SH3PXD2A: variants seen among roughly 807,000 people sequenced by gnomAD.
SH3PXD2A encodes SH3 and PX domains 2A.
In SH3PXD2A, 32 loss-of-function variants were observed where a neutral mutation model predicts 115.2. The ratio of observed to expected loss-of-function variants is 0.28; its 90% confidence interval spans 0.21 to 0.37. SH3PXD2A has a LOEUF of 0.37. Ranked by LOEUF, SH3PXD2A falls within the 10% of genes least tolerant of loss-of-function variation. The pLI, the probability that SH3PXD2A is intolerant of heterozygous loss-of-function variation, is 1.00. For missense variants in SH3PXD2A, 1,328 were observed against 1,498.7 expected, an observed-to-expected ratio of 0.89 and a Z score of 1.88; for synonymous variants, 610 against 629.1, an observed-to-expected ratio of 0.97 and a Z score of 0.45.
chr10:103,734,476 C>T (rs930559310), intron 4 of SH3PXD2A, among the ~76,000 whole-genome samples: 2 of 152,164 alleles, frequency 1.3e-5, no homozygotes, highest in East Asian at 1.9e-4. Context: ...TGGCTGGGTG[C>T]GGTGGCTCAC....
intron 1 of SH3PXD2A, among the ~76,000 whole-genome samples, chr10:103,819,547 T>G (rs1457746368): frequency 1.3e-5 from 2 of 151,124 alleles, no homozygotes; most frequent in African/African-American, 4.9e-5. Context: ...GCTCTGAGGC[T>G]CGAGGGAATG....
At chr10:103,707,259 C>T (rs866333122) in intron 5 of SH3PXD2A, among the ~76,000 whole-genome samples, 19 of 151,120 alleles carry the variant, frequency 1.3e-4, no homozygotes, top group Admixed American at 6.6e-4. Context: ...TGCAGAGGTG[C>T]GATCTTGGCT....
chr10:103,767,221 T>C, intron 2 of SH3PXD2A, 52 bp from the exon 3 acceptor site: 1 of 1,381,448 alleles, frequency 7.2e-7, no homozygotes, highest in South Asian at 1.2e-5. Context: ...AGAACATTCC[T>C]CATCATCCCT....
chr10:103,802,820 G>T (rs938969950), intron 1 of SH3PXD2A, among the ~76,000 whole-genome samples: 1 of 152,154 alleles, frequency 6.6e-6, no homozygotes, highest in African/African-American at 2.4e-5. Context: ...CCGGGGGCAG[G>T]CTTCATAAAA....
At chr10:103,650,756 C>T (rs936947152) in intron 8 of SH3PXD2A, among the ~76,000 whole-genome samples, 3 of 152,388 alleles carry the variant, frequency 2.0e-5, no homozygotes, top group Non-Finnish European at 4.4e-5. Flanking sequence ...AGTCCTAGCT[C>T]CAGTCCTCAG....
At chr10:103,683,343 T>A (rs1168421250) in intron 6 of SH3PXD2A, among the ~76,000 whole-genome samples, 3 of 151,774 alleles carry the variant, frequency 2.0e-5, no homozygotes, top group Non-Finnish European at 4.4e-5. Flanking sequence ...AGAAACCCCA[T>A]CTCTACTAAA....
chr10:103,841,010 G>A (rs573201072), intron 1 of SH3PXD2A, among the ~76,000 whole-genome samples: 1 of 152,292 alleles, frequency 6.6e-6, no homozygotes, highest in Admixed American at 6.5e-5. Flanking sequence ...AGTTTTGGTG[G>A]GCTGACTTGA....
chr10:103,695,280 C>G (rs1031276560), intron 5 of SH3PXD2A, among the ~76,000 whole-genome samples: 6 of 152,140 alleles, frequency 3.9e-5, no homozygotes, highest in African/African-American at 1.4e-4. Context: ...TGAGGCTACC[C>G]AGGCTGTTCC....
intron 8 of SH3PXD2A, among the ~76,000 whole-genome samples, chr10:103,649,784 C>T (rs966036228): frequency 1.3e-5 from 2 of 152,234 alleles, no homozygotes; most frequent in African/African-American, 4.8e-5. Context: ...AAGAGAAAGA[C>T]ATCATGTCCA....
chr10:103,830,771 A>G (rs1207544161), intron 1 of SH3PXD2A, among the ~76,000 whole-genome samples: 1 of 152,228 alleles, frequency 6.6e-6, no homozygotes, highest in African/African-American at 2.4e-5. Context: ...TAGATTACCA[A>G]CCACACACAC....
At chr10:103,764,139 C>T (rs1378753022) in intron 3 of SH3PXD2A, among the ~76,000 whole-genome samples, 10 of 152,316 alleles carry the variant, frequency 6.6e-5, no homozygotes, top group African/African-American at 4.8e-5. Context: ...TGCATCAGGG[C>T]GGTGGGGGTG....
chr10:103,752,588 A>C (rs1166695033), intron 3 of SH3PXD2A, among the ~76,000 whole-genome samples: 1 of 152,234 alleles, frequency 6.6e-6, no homozygotes, highest in Non-Finnish European at 1.5e-5. Context: ...AGCAGACCCC[A>C]GGCCCAGAGT....
At chr10:103,639,359 C>A (rs1478056943) in intron 8 of SH3PXD2A, among the ~76,000 whole-genome samples, 1 of 152,106 alleles carries the variant, frequency 6.6e-6, no homozygotes, top group Non-Finnish European at 1.5e-5. Flanking sequence ...TGCCTGTAAT[C>A]CTGGCACTTT....
intron 7 of SH3PXD2A, chr10:103,661,874 G>A (rs1019344765): frequency 1.0e-6 from 1 of 985,024 alleles, no homozygotes; most frequent in African/African-American, 1.7e-5. Context: ...CAAGAAGAAA[G>A]TCCCCGCGCC....
intron 2 of SH3PXD2A, among the ~76,000 whole-genome samples, chr10:103,770,929 G>A (rs1291353568): frequency 6.6e-6 from 1 of 152,082 alleles, no homozygotes; most frequent in Non-Finnish European, 1.5e-5. Flanking sequence ...TTTTTATCTT[G>A]TTGTATTCTA....
At chr10:103,691,630 C>T (rs1236460805) in intron 6 of SH3PXD2A, among the ~76,000 whole-genome samples, 2 of 152,118 alleles carry the variant, frequency 1.3e-5, no homozygotes, top group Admixed American at 6.5e-5. Context: ...TGAGACACCC[C>T]AGACCCAGGT....
At chr10:103,678,126 G>A (rs2037563163) in intron 6 of SH3PXD2A, 1 of 1,289,128 alleles carries the variant, frequency 7.8e-7, no homozygotes. Context: ...ACAGGAAACA[G>A]GAGCCGGAGC....
chr10:103,632,443 G>C (rs924738698), intron 8 of SH3PXD2A, among the ~76,000 whole-genome samples: 2 of 152,192 alleles, frequency 1.3e-5, no homozygotes, highest in Non-Finnish European at 2.9e-5. Context: ...GCTGGCACCT[G>C]GCAGAGGCCT....
chr10:103,766,251 G>C lies in SH3PXD2A; in HGVS notation c.229+843C>G, dbSNP rs78414080. On this transcript the variant is annotated intron_variant, in intron 3 of 14. Coordinates refer to ENST00000369774, the MANE Select transcript of SH3PXD2A (RefSeq NM_001394015.1). ...TGACTGATCACTGTGGTCCTGACCT[G>C]TGCAGGTCCAGGGCCAGTCTGAGCC... is the stretch of plus-strand genomic sequence containing the variant. Among the ~76,000 whole-genome samples, 37 of 152,350 alleles carry C rather than the reference G, an allele frequency of 2.4e-4. No homozygotes were observed. In the East Asian group the frequency reaches 6.8e-3, roughly 28 times the overall value.
Sources: gnomAD v4.1 joint callset for allele counts (sites outside exome capture counted in the v4.1 genomes callset) on GRCh38, gnomAD v4.1.1 for gene constraint, MANE v1.5 for transcripts, NCBI Gene and HGNC (gene_info 2026-07-23, HGNC 2026-07-21) for gene names.